Variants in NFATC1 observed in about 807,000 individuals in gnomAD.
NFATC1 encodes nuclear factor of activated T-cells, cytoplasmic 1.
NFATC1 carries 22 observed loss-of-function variants against 76.0 expected under a neutral mutation model. The ratio of observed to expected loss-of-function variants is 0.29; its 90% CI spans 0.21 to 0.41. The LOEUF is 0.41. Among genes scored for constraint, NFATC1 ranks in the 10% least tolerant of loss-of-function variants. The pLI is 1.00. For synonymous variants in NFATC1, 704 were observed against 613.1 expected, an observed-to-expected ratio of 1.15 and a Z score of -2.19; for missense variants, 1,357 against 1,337.7, an observed-to-expected ratio of 1.01 and a Z score of -0.23.
At chr18:79,411,626 TG>T (rs1456722150) in intron 2 of NFATC1, 125 bp downstream of exon 2, 5 of 708,516 alleles carry the variant, frequency 7.1e-6, no homozygotes, top group Non-Finnish European at 9.2e-6. Context: ...AGGACCTGGG[TG>T]GGCAGGTGGG....
In NFATC1 at chr18:79,451,608, G is replaced by A. The variant is rs1600753823; in HGVS notation, c.1763-68G>A. The A allele has an allele frequency of 8.4e-6, 12 of 1,427,322 alleles. No homozygotes were observed. In the East Asian group the frequency reaches 2.9e-4, roughly 34 times the overall value. 88.4% of individuals were successfully genotyped at this position (1,427,322 alleles called of 1,614,324 possible). A position where few individuals can be genotyped will look rare whatever the true frequency, so the allele number is the denominator to read the frequency against. On this transcript the variant is annotated intron_variant, in intron 5 of 9. Transcript: ENST00000427363. ...GGTCGGCTCACGTGTGACCTGCTGG[G>A]TGCCACACGTGTGCCCCAGGCCGCC...
At position 79,411,396 on chromosome 18, in the gene NFATC1, T is replaced by G. The variant is rs548916996; in HGVS notation, c.1121T>G (p.Phe374Cys). The change falls in exon 2 of 10, where the codon TTC becomes TGC. Residue 374 changes from phenylalanine (F) to cysteine (C), a missense_variant. By Grantham distance (205) the Phe-to-Cys change is radical. This residue lies in a region of NFATC1 where 691 missense variants were observed against 613.1 expected (regional missense o/e 1.13). Coordinates refer to ENST00000427363, the MANE Select transcript of NFATC1 (RefSeq NM_001278669.2). ...TTCGCGCCCGAAGACTACTCCTCTT[T>G]CCAGCACATCAGGAAGGGCGGCTTC... Reference protein sequence around the residue: ...ADFAPEDYSSFQHIRKGGFCD... With the variant: ...ADFAPEDYSSCQHIRKGGFCD... 1.3e-6 allele frequency: 2 copies of G among 1,573,184 alleles called. No individual in the cohort carries two copies. The highest frequency in any genetic ancestry group is 1.8e-5 in the Admixed American group (1 of 54,186).
intron 2 of NFATC1, among the ~76,000 whole-genome samples, chr18:79,432,441 T>G (rs1568954794): frequency 1.6e-5 from 1 of 62,648 alleles, no homozygotes; most frequent in African/African-American, 6.9e-5. Context: ...GGCCCTGGAC[T>G]GCCTCTGCCC....
At chr18:79,443,023 T>C (rs374928360) in intron 3 of NFATC1, among the ~76,000 whole-genome samples, 7 of 152,142 alleles carry the variant, frequency 4.6e-5, no homozygotes, top group Non-Finnish European at 7.4e-5. Flanking sequence ...AAGAGACTTA[T>C]GTTGAAACAG....
intron 2 of NFATC1, among the ~76,000 whole-genome samples, chr18:79,415,007 T>C (rs966887): frequency 0.066 from 10,040 of 152,270 alleles, 600 homozygotes; most frequent in East Asian, 0.21. Context: ...GCTTCCTCAT[T>C]CCTTCATCGT....
At chr18:79,469,947 T>C (rs1313908209) in intron 8 of NFATC1, 6 of 985,388 alleles carry the variant, frequency 6.1e-6, no homozygotes, top group Admixed American at 6.2e-5. Context: ...ATCCCCAGTG[T>C]TGACGCTGGG....
chr18:79,515,493 C>T (rs1280696677), intron 9 of NFATC1, among the ~76,000 whole-genome samples: 8 of 151,626 alleles, frequency 5.3e-5, no homozygotes, highest in South Asian at 4.2e-4. Flanking sequence ...GGAGGGGGCT[C>T]GGCTCACACC....
intron 3 of NFATC1, among the ~76,000 whole-genome samples, chr18:79,448,038 G>A (rs560944127): frequency 3.9e-5 from 6 of 152,224 alleles, no homozygotes; most frequent in East Asian, 1.9e-4. Context: ...CGGAAGCACC[G>A]GGGCTGCTCC....
intron 8 of NFATC1, among the ~76,000 whole-genome samples, chr18:79,481,069 C>T (rs888456071): frequency 2.0e-5 from 3 of 152,254 alleles, no homozygotes; most frequent in Non-Finnish European, 4.4e-5. Flanking sequence ...CACATCTGGG[C>T]CTGTTTCCAG....
At chr18:79,404,965 G>C (rs1301640693) in intron 1 of NFATC1, among the ~76,000 whole-genome samples, 1 of 152,246 alleles carries the variant, frequency 6.6e-6, no homozygotes, top group African/African-American at 2.4e-5. Context: ...CGAGAAAGGT[G>C]TGTGGTTCTG....
chr18:79,525,914 G>A (rs142571289), intron 9 of NFATC1, among the ~76,000 whole-genome samples: 4 of 152,364 alleles, frequency 2.6e-5, no homozygotes, highest in East Asian at 3.9e-4. Context: ...AACTGGTCTC[G>A]AATTCTGGGG....
At chr18:79,418,660 C>A (rs2085962153) in intron 2 of NFATC1, among the ~76,000 whole-genome samples, 1 of 152,250 alleles carries the variant, frequency 6.6e-6, no homozygotes, top group South Asian at 2.1e-4. Context: ...TTGAGAAGAT[C>A]ATGCCTCCTG....
At chr18:79,484,444 C>T (rs950037561) in intron 8 of NFATC1, among the ~76,000 whole-genome samples, 4 of 152,144 alleles carry the variant, frequency 2.6e-5, no homozygotes, top group African/African-American at 9.7e-5. Context: ...CCCTCTAAAA[C>T]CTTAGCCTCC....
intron 9 of NFATC1, among the ~76,000 whole-genome samples, chr18:79,509,781 G>A (rs949400650): frequency 3.9e-5 from 6 of 152,202 alleles, no homozygotes; most frequent in African/African-American, 1.4e-4. Flanking sequence ...CGCGAAGCTG[G>A]GGAGCTCTGA....
At chr18:79,439,620 C>CGTT (rs1263788950) in intron 3 of NFATC1, among the ~76,000 whole-genome samples, 1 of 152,216 alleles carries the variant, frequency 6.6e-6, no homozygotes, top group African/African-American at 2.4e-5. Context: ...CCACATACGC[C>CGTT]GTTGTTCCCG....
chr18:79,433,729 C>A lies in NFATC1; in HGVS notation c.1377C>A (p.Pro459=). ...GAVKASAGGH[P]IVQLHGYLEN... ...TGAAGGCGTCGGCCGGAGGACACCC[C>A]ATCGTGCAGGTAGGCACTGCGGCCA... The change falls in exon 3 of 10, where the codon CCC becomes CCA. Residue 459 remains proline, a synonymous_variant. Coordinates refer to ENST00000427363, the MANE Select transcript of NFATC1 (RefSeq NM_001278669.2). 1 of 1,612,456 alleles carries A rather than the reference C, an allele frequency of 6.2e-7. No individual in the cohort carries two copies.
chr18:79,427,897 AG>A (rs2086448342), intron 2 of NFATC1, among the ~76,000 whole-genome samples: 1 of 12,168 alleles, frequency 8.2e-5, no homozygotes. Context: ...TGAGTCGGGG[AG>A]GGGGGTGGCT....
intron 3 of NFATC1, among the ~76,000 whole-genome samples, chr18:79,440,732 C>T (rs557155357): frequency 2.0e-5 from 3 of 152,270 alleles, no homozygotes; most frequent in Non-Finnish European, 4.4e-5. Flanking sequence ...GGTTTGTGCC[C>T]TGCTGTGTCT....
rs1447808462 is a variant in NFATC1 at position 79,528,051 on chromosome 18, G to C, written c.*474G>C. 9.9e-6 allele frequency: 4 copies of C among 405,614 alleles called. No individual in the cohort carries two copies. The highest frequency in any genetic ancestry group is 1.7e-5 in the Non-Finnish European group (4 of 230,202). The allele number at this position is 405,614 out of a possible 1,614,324, so 25.1% of individuals were successfully genotyped here. A position where few individuals can be genotyped will look rare whatever the true frequency, so the allele number is the denominator to read the frequency against. ...CATTGTGAGGTTTTACCCTCTGTAT[G>C]AATGAAGAGAACGCTGGAAGGCTGC... On this transcript the variant is annotated 3_prime_UTR_variant, in exon 10 of 10. Transcript: ENST00000427363.
Sources: allele counts gnomAD v4.1 joint callset (sites outside exome capture counted in the v4.1 genomes callset), GRCh38; gene constraint gnomAD v4.1.1; regional missense constraint gnomAD v4.1.1; transcripts MANE v1.5; gene names NCBI Gene and HGNC (gene_info 2026-07-23, HGNC 2026-07-21).